The following NKAIN2 variants were observed in gnomAD, a reference collection of about 807,000 sequenced individuals.
The protein encoded by NKAIN2 is sodium/potassium-transporting ATPase subunit beta-1-interacting protein 2.
A neutral mutation model predicts 32.6 loss-of-function variants in NKAIN2; 14 were observed. The ratio of observed to expected loss-of-function variants is 0.43; its 90% CI spans 0.28 to 0.67. The LOEUF is 0.67. Among genes scored for constraint, NKAIN2 ranks in the 30% least tolerant of loss-of-function variants. NKAIN2 has a pLI of 0.17. For synonymous variants in NKAIN2, 80 were observed against 87.2 expected, an observed-to-expected ratio of 0.92 and a Z score of 0.46; for missense variants, 198 against 258.3, an observed-to-expected ratio of 0.77 and a Z score of 1.60.
intron 1 of NKAIN2, among the ~76,000 whole-genome samples, chr6:124,184,414 C>T (rs756782625): frequency 2.8e-4 from 43 of 152,086 alleles, no homozygotes; most frequent in Admixed American, 9.8e-4. Flanking sequence ...CTGTCTAACT[C>T]CTTCTAGCAA....
Position 124,530,332 on chromosome 6 carries a change from A to G in NKAIN2, c.274-127854A>G, listed in dbSNP as rs567549143. 2.5e-4 allele frequency among the ~76,000 whole-genome samples: 38 copies of G among 152,332 alleles called. No individual in the cohort carries two copies. In the South Asian group the frequency reaches 7.7e-3, roughly 31 times the overall value. Reference sequence around the variant, plus strand: ...ATAAAGAAGAGAAAATATATTTACTATTCGCTAAGTGGAAGTGAATCACCA... The same window carrying G: ...ATAAAGAAGAGAAAATATATTTACTGTTCGCTAAGTGGAAGTGAATCACCA... On this transcript the variant is annotated intron_variant, in intron 3 of 6. Coordinates refer to ENST00000368417, the MANE Select transcript of NKAIN2 (RefSeq NM_001040214.3).
intron 1 of NKAIN2, among the ~76,000 whole-genome samples, chr6:123,908,801 T>C (rs1377627022): frequency 2.6e-5 from 4 of 152,224 alleles, no homozygotes; most frequent in Non-Finnish European, 4.4e-5. Context: ...TGGAATATAC[T>C]GAGTCTATAC....
At chr6:124,782,314 GTGC>G (rs200857586) in intron 4 of NKAIN2, among the ~76,000 whole-genome samples, 4,318 of 152,154 alleles carry the variant, frequency 0.028, 76 homozygotes, top group Middle Eastern at 0.051. Context: ...CACTGGATAT[GTGC>G]TGAAGTCTCA....
At chr6:124,306,506 A>T (rs948770476) in intron 2 of NKAIN2, among the ~76,000 whole-genome samples, 1 of 152,156 alleles carries the variant, frequency 6.6e-6, no homozygotes, top group Non-Finnish European at 1.5e-5. Flanking sequence ...ATTTCAATCC[A>T]AGCAACTGAT....
intron 1 of NKAIN2, among the ~76,000 whole-genome samples, chr6:123,825,750 C>T (rs1004233329): frequency 6.6e-6 from 1 of 151,964 alleles, no homozygotes; most frequent in Non-Finnish European, 1.5e-5. Flanking sequence ...TATTAAAATC[C>T]CCCACTGTGT....
At chr6:123,876,774 C>A (rs1025627995) in intron 1 of NKAIN2, among the ~76,000 whole-genome samples, 1 of 152,212 alleles carries the variant, frequency 6.6e-6, no homozygotes, top group Non-Finnish European at 1.5e-5. Flanking sequence ...GGGCCATCTG[C>A]TTTTCTCAGT....
At chr6:124,284,443 A>T (rs1795451585) in intron 2 of NKAIN2, among the ~76,000 whole-genome samples, 1 of 152,156 alleles carries the variant, frequency 6.6e-6, no homozygotes, top group African/African-American at 2.4e-5. Flanking sequence ...TCATTACATT[A>T]ACTCATAATG....
intron 3 of NKAIN2, among the ~76,000 whole-genome samples, chr6:124,647,997 T>G (rs1784240966): frequency 6.6e-6 from 1 of 152,194 alleles, no homozygotes; most frequent in South Asian, 2.1e-4. Flanking sequence ...GGATTTTATT[T>G]GAACTACTGT....
intron 4 of NKAIN2, among the ~76,000 whole-genome samples, chr6:124,748,620 A>G (rs1413310755): frequency 2.0e-5 from 3 of 152,016 alleles, no homozygotes; most frequent in Non-Finnish European, 2.9e-5. Context: ...ATAAAATGCA[A>G]TAAATAAACA....
intron 1 of NKAIN2, among the ~76,000 whole-genome samples, chr6:123,827,035 C>T (rs1391539133): frequency 6.6e-6 from 1 of 152,064 alleles, no homozygotes; most frequent in Non-Finnish European, 1.5e-5. Flanking sequence ...AATAGTCATC[C>T]TAAAGTATGT....
At chr6:124,527,504 C>CT (rs1163019585) in intron 3 of NKAIN2, among the ~76,000 whole-genome samples, 2 of 152,252 alleles carry the variant, frequency 1.3e-5, no homozygotes, top group African/African-American at 4.8e-5. Flanking sequence ...ATGTTACACA[C>CT]TTTCTTATTG....
intron 3 of NKAIN2, among the ~76,000 whole-genome samples, chr6:124,647,000 AAATAT>A (rs1410053122): frequency 1.3e-5 from 2 of 151,968 alleles, no homozygotes; most frequent in African/African-American, 2.4e-5. Context: ...AAGAAACCTC[AAATAT>A]ATTAAAGGAA....
intron 3 of NKAIN2, among the ~76,000 whole-genome samples, chr6:124,535,751 G>A (rs567781502): frequency 2.0e-5 from 3 of 152,124 alleles, no homozygotes; most frequent in Admixed American, 2.0e-4. Flanking sequence ...TTCAATTTTT[G>A]CTGAGAGATG....
intron 3 of NKAIN2, among the ~76,000 whole-genome samples, chr6:124,501,725 C>A (rs1218204202): frequency 6.6e-6 from 1 of 152,114 alleles, no homozygotes; most frequent in Non-Finnish European, 1.5e-5. Context: ...GACCCACCTT[C>A]GCCTCTCTAG....
intron 4 of NKAIN2, among the ~76,000 whole-genome samples, chr6:124,781,312 A>G (rs987847413): frequency 2.0e-5 from 3 of 152,150 alleles, no homozygotes; most frequent in Non-Finnish European, 2.9e-5. Context: ...TCATTTATAA[A>G]TAATAGATGA....
chr6:124,690,474 T>C (rs1774202422), intron 4 of NKAIN2, among the ~76,000 whole-genome samples: 3 of 152,158 alleles, frequency 2.0e-5, no homozygotes. Context: ...CAGTAAAATG[T>C]TGAAAAGAAG....
At chr6:124,665,670 A>G (rs1299946224) in intron 4 of NKAIN2, among the ~76,000 whole-genome samples, 1 of 152,162 alleles carries the variant, frequency 6.6e-6, no homozygotes, top group East Asian at 1.9e-4. Flanking sequence ...TCTCTTCACT[A>G]CTGATTCTTC....
intron 1 of NKAIN2, among the ~76,000 whole-genome samples, chr6:124,132,009 T>C (rs970169627): frequency 6.6e-6 from 1 of 152,138 alleles, no homozygotes; most frequent in African/African-American, 2.4e-5. Flanking sequence ...GGGAAGCTTA[T>C]GGCCTGGGGC....
At chr6:124,189,406 T>TA (rs143196815) in intron 1 of NKAIN2, among the ~76,000 whole-genome samples, 4 of 151,794 alleles carry the variant, frequency 2.6e-5, no homozygotes, top group Admixed American at 6.6e-5. Flanking sequence ...TATTCATGTT[T>TA]AAAAAAAATG....
Sources: allele counts gnomAD v4.1 joint callset (sites outside exome capture counted in the v4.1 genomes callset), GRCh38; gene constraint gnomAD v4.1.1; transcripts MANE v1.5; gene names NCBI Gene and HGNC (gene_info 2026-07-23, HGNC 2026-07-21).